Variants in PHF21A observed in about 807,000 individuals in gnomAD.
PHF21A encodes the protein BHC80a.
A neutral mutation model predicts 82.5 loss-of-function variants in PHF21A; 11 were observed. The ratio of observed to expected loss-of-function variants is 0.13; its 90% CI spans 0.08 to 0.22. The LOEUF is 0.22. Ranked by LOEUF, PHF21A falls within the 10% of genes least tolerant of loss-of-function variation. The probability of loss-of-function intolerance (pLI) is 1.00; values close to 1 mark genes in which losing one functional copy is unlikely to be tolerated. For missense variants in PHF21A, 579 were observed against 837.8 expected, an observed-to-expected ratio of 0.69 and a Z score of 3.81; for synonymous variants, 297 against 302.8, an observed-to-expected ratio of 0.98 and a Z score of 0.20.
chr11:46,045,508 T>A (rs1357529783), intron 6 of PHF21A, among the ~76,000 whole-genome samples: 1 of 152,168 alleles, frequency 6.6e-6, no homozygotes, highest in Non-Finnish European at 1.5e-5. Flanking sequence ...TTGCTATATT[T>A]TACCCAAGTA....
At chr11:46,006,564 C>A (rs894984689) in intron 6 of PHF21A, among the ~76,000 whole-genome samples, 2 of 152,248 alleles carry the variant, frequency 1.3e-5, no homozygotes, top group Non-Finnish European at 2.9e-5. Context: ...TTCATCTACA[C>A]AGGCAGCTGT....
intron 6 of PHF21A, among the ~76,000 whole-genome samples, chr11:45,986,084 A>ACCACACACACACACACACACACACAC (rs10529223): frequency 7.6e-6 from 1 of 132,202 alleles, no homozygotes; most frequent in African/African-American, 2.8e-5. Flanking sequence ...CTTCCTTCAA[A>ACCACACACACACACACACACACACAC]ACACACACAC....
chr11:46,012,767 T>C (rs1197673876), intron 6 of PHF21A, among the ~76,000 whole-genome samples: 2 of 151,784 alleles, frequency 1.3e-5, no homozygotes, highest in African/African-American at 4.8e-5. Context: ...TCTGGCCTGC[T>C]TAAGGCCAAA....
At chr11:45,948,104 C>T (rs1481674734) in intron 14 of PHF21A, among the ~76,000 whole-genome samples, 3 of 152,126 alleles carry the variant, frequency 2.0e-5, no homozygotes, top group African/African-American at 7.2e-5. Flanking sequence ...AACTATAATT[C>T]AGGGACACAT....
At chr11:46,070,611 G>A (rs966186863) in intron 6 of PHF21A, among the ~76,000 whole-genome samples, 8 of 152,172 alleles carry the variant, frequency 5.3e-5, no homozygotes, top group Non-Finnish European at 7.3e-5. Context: ...GATTACAGCC[G>A]TGAGCCACCG....
At chr11:45,962,419 T>A (rs1197536106) in intron 10 of PHF21A, among the ~76,000 whole-genome samples, 1 of 151,964 alleles carries the variant, frequency 6.6e-6, no homozygotes, top group African/African-American at 2.4e-5. Flanking sequence ...ATACTGGAAA[T>A]GAAATATAAA....
intron 7 of PHF21A, among the ~76,000 whole-genome samples, chr11:45,973,665 A>G (rs956562692): frequency 8.2e-4 from 125 of 152,376 alleles, no homozygotes; most frequent in African/African-American, 3.0e-3. Context: ...GTAGTGTAAC[A>G]GCAAGGACTG....
intron 6 of PHF21A, among the ~76,000 whole-genome samples, chr11:45,985,760 T>C (rs987165957): frequency 3.9e-5 from 6 of 152,146 alleles, no homozygotes; most frequent in African/African-American, 7.2e-5. Flanking sequence ...AAATACCACC[T>C]GTTTGACAGA....
chr11:45,957,766 A>G (rs1490546020), intron 10 of PHF21A, among the ~76,000 whole-genome samples: 6 of 150,408 alleles, frequency 4.0e-5, no homozygotes, highest in Non-Finnish European at 5.9e-5. Context: ...AAAAAAAAAA[A>G]AAAGAAAAAA....
chr11:46,060,587 T>C (rs1410585596), intron 6 of PHF21A, among the ~76,000 whole-genome samples: 1 of 152,228 alleles, frequency 6.6e-6, no homozygotes, highest in African/African-American at 2.4e-5. Context: ...GTTGAGCTTT[T>C]TTGCATATGA....
At position 45,957,006 on chromosome 11, in the gene PHF21A, T is replaced by TA. The variant is rs1449254550; in HGVS notation, c.997-3382dup. On this transcript the variant is annotated intron_variant, in intron 10 of 18. Transcript: ENST00000676320. ...ATAGTACTATTAGACAAAAGTGACT[T>TA]AAAGTCAACAACTGTTACGAGAGAC... Among the ~76,000 whole-genome samples, 7 of 152,286 alleles carry TA rather than the reference T, an allele frequency of 4.6e-5. No individual in the cohort carries two copies. In the East Asian group the frequency reaches 1.3e-3, roughly 29 times the overall value.
intron 1 of PHF21A, among the ~76,000 whole-genome samples, chr11:46,100,026 C>T (rs1395890791): frequency 6.6e-6 from 1 of 152,118 alleles, no homozygotes; most frequent in Admixed American, 6.6e-5. Context: ...TTTGAAATGT[C>T]AATGAGAAGT....
At position 45,930,905 on chromosome 11, in the gene PHF21A, G is replaced by GCCCCCCCCC. The variant is rs61505607; in HGVS notation, c.*3054_*3062dup. ...GAGCGTATGTCTCAGGTGGTCACAG[G>GCCCCCCCCC]CCCCCCCCCCTCCCCGCCCAGGTCT... On this transcript the variant is annotated 3_prime_UTR_variant, in exon 19 of 19. Coordinates refer to ENST00000676320, the MANE Select transcript of PHF21A (RefSeq NM_001352027.3). 3 of 135,646 alleles carry GCCCCCCCCC rather than the reference G, an allele frequency of 2.2e-5. No individual in the cohort carries two copies. Among genetic ancestry groups the GCCCCCCCCC allele is most frequent in the Admixed American group, 7.4e-5 (1 of 13,494 alleles). 8.4% of individuals were successfully genotyped at this position (135,646 alleles called of 1,614,324 possible).
intron 6 of PHF21A, among the ~76,000 whole-genome samples, chr11:46,017,921 T>C (rs539763720): frequency 6.6e-6 from 1 of 152,258 alleles, no homozygotes; most frequent in Non-Finnish European, 1.5e-5. Flanking sequence ...ATTATTTTGG[T>C]TAAATTCATT....
Position 45,979,881 on chromosome 11 carries a change from G to A in PHF21A, c.239C>T (p.Ser80Phe), listed in dbSNP as rs757953113. 3 of 1,614,182 alleles carry A rather than the reference G, an allele frequency of 1.9e-6. No individual in the cohort carries two copies. In the South Asian group the frequency reaches 3.3e-5, roughly 18 times the overall value. ...CTGTGCTGTTTGTAGTTTGTTTTCA[G>A]ATTGTGGCAATGGCTGTATTTGGAA... ...DKFQIQPLPQ[S>F]ENKLQTAQQQ... Residue 80 changes from serine (S) to phenylalanine (F), a missense_variant, in exon 7 of 19, where the codon TCT (serine) becomes TTT (phenylalanine). Physicochemically the swap from Ser to Phe is radical, Grantham distance 155. Coordinates refer to ENST00000676320, the MANE Select transcript of PHF21A (RefSeq NM_001352027.3).
intron 1 of PHF21A, among the ~76,000 whole-genome samples, chr11:46,106,972 A>G (rs1021458513): frequency 6.6e-6 from 1 of 152,092 alleles, no homozygotes; most frequent in Non-Finnish European, 1.5e-5. Context: ...GATCACTCCA[A>G]CTTAAAAGTC....
chr11:46,101,468 G>A (rs918508489), intron 1 of PHF21A, among the ~76,000 whole-genome samples: 2 of 152,090 alleles, frequency 1.3e-5, no homozygotes, highest in African/African-American at 4.8e-5. Flanking sequence ...GTTAGTTAGG[G>A]AATAGGTACG....
rs964579951 is a variant in PHF21A at position 46,121,274 on chromosome 11, ATCC to A, written c.-579_-577del. ...GGAGGGGGTTGGGGGGAGGAACTGGATCCTCCTCCTCCTCCAGGAGGGACACAC... is the reference window on the plus strand; with the variant it reads ...GGAGGGGGTTGGGGGGAGGAACTGGATCCTCCTCCTCCAGGAGGGACACAC... On this transcript the variant is annotated 5_prime_UTR_variant, in exon 1 of 19. Transcript: ENST00000676320. 2 of 148,940 alleles carry A rather than the reference ATCC, an allele frequency of 1.3e-5. No homozygotes were observed. Among genetic ancestry groups the A allele is most frequent in the Non-Finnish European group, 2.9e-5 (2 of 67,966 alleles). 9.2% of individuals were successfully genotyped at this position (148,940 alleles called of 1,614,324 possible).
chr11:45,980,697 T>C (rs558712513), intron 6 of PHF21A, among the ~76,000 whole-genome samples: 6 of 152,318 alleles, frequency 3.9e-5, no homozygotes, highest in Admixed American at 1.3e-4. Context: ...TTGCATATGA[T>C]AACACAGATA....
Sources: gnomAD v4.1 joint callset for allele counts (sites outside exome capture counted in the v4.1 genomes callset) on GRCh38, gnomAD v4.1.1 for gene constraint, MANE v1.5 for transcripts, NCBI Gene and HGNC (gene_info 2026-07-23, HGNC 2026-07-21) for gene names.